LRRN4: variants seen among roughly 807,000 people sequenced by gnomAD.
The protein encoded by LRRN4 is leucine rich repeat neuronal 4, also known as leucine-rich repeat neuronal protein 4.
In LRRN4, 26 loss-of-function variants were observed where a neutral mutation model predicts 22.3. That is an observed-to-expected ratio of 1.16 (90% CI 0.85 to 1.62). The LOEUF is 1.62. LRRN4 is among the 40% of genes most tolerant of loss of function. The pLI is 0.00. For synonymous variants in LRRN4, 496 were observed against 486.2 expected, an observed-to-expected ratio of 1.02 and a Z score of -0.26; for missense variants, 1,070 against 1,008.5, an observed-to-expected ratio of 1.06 and a Z score of -0.83.
At chr20:6,047,423 C>A (rs201864665) in intron 3 of LRRN4, among the ~76,000 whole-genome samples, 1 of 89,994 alleles carries the variant, frequency 1.1e-5, no homozygotes, top group Non-Finnish European at 2.1e-5. Context: ...AGCAGACACA[C>A]ATACACACAC....
chr20:6,044,987 TTGTG>T (rs968472405), intron 3 of LRRN4, among the ~76,000 whole-genome samples: 1 of 152,044 alleles, frequency 6.6e-6, no homozygotes, highest in Non-Finnish European at 1.5e-5. Context: ...ATCAGTATTT[TTGTG>T]TGTGTGTGGA....
intron 3 of LRRN4, among the ~76,000 whole-genome samples, chr20:6,047,297 T>C (rs557562296): frequency 1.3e-5 from 2 of 152,182 alleles, no homozygotes; most frequent in Non-Finnish European, 2.9e-5. Flanking sequence ...GAATTGTTAA[T>C]AGAAATTGCA....
rs868740955 is a variant in LRRN4, at chr20:6,041,431, G to A, written c.1814C>T (p.Ser605Leu). The change falls in exon 5 of 5, where the codon TCG (serine) becomes TTG (leucine). Residue 605 changes from serine to leucine, a missense_variant. By Grantham distance (145) the Ser-to-Leu change is moderately radical. Transcript: ENST00000378858. The surrounding 1 kb of genome is among the most constrained non-coding windows in gnomAD (Gnocchi z 9.4). ...GCGGATCTGGTACCCATGCACTACCGAGTTGGGGGCACACCAGTGGACCAG... is the reference window on the plus strand; with the variant it reads ...GCGGATCTGGTACCCATGCACTACCAAGTTGGGGGCACACCAGTGGACCAG... The part of the protein sequence containing the change: ...SALVHWCAPN[S>L]VVHGYQIRYS... The A allele has an allele frequency of 6.4e-7, 1 of 1,555,142 alleles. No individual in the cohort carries two copies.
At chr20:6,051,942 A>C (rs1981255333) in intron 2 of LRRN4, among the ~76,000 whole-genome samples, 1 of 152,240 alleles carries the variant, frequency 6.6e-6, no homozygotes, top group South Asian at 2.1e-4. Context: ...CCTATCTCTT[A>C]GGATTCAAGA....
chr20:6,041,600 A>T lies in LRRN4; in HGVS notation c.1645T>A (p.Tyr549Asn), dbSNP rs145844426. Residue 549 changes from tyrosine to asparagine, a missense_variant, in exon 5 of 5, where the codon TAC becomes AAC. Tyr to Asn is a moderately radical substitution (Grantham distance 143). Transcript: ENST00000378858. The surrounding 1 kb of genome is among the most constrained non-coding windows in gnomAD (Gnocchi z 9.4). Reference sequence around the variant, plus strand: ...GTCTGCAGGTGCTTGCAGGGATGGTAATCACAGGGGACGTCCTGGTGAGGC... The same window carrying T: ...GTCTGCAGGTGCTTGCAGGGATGGTTATCACAGGGGACGTCCTGGTGAGGC... ...GTPHQDVPCD[Y>N]HPCKHLQTPC... The T allele has an allele frequency of 6.3e-3, 9,870 of 1,571,032 alleles. 49 individuals carry two copies. The highest frequency in any genetic ancestry group is 7.9e-3 in the Non-Finnish European group (9,149 of 1,156,134).
At chr20:6,052,953 GCCTAGTGTGCAGTGACCTCTCC>G in intron 1 of LRRN4, 149 bp from the exon 2 acceptor site, 1 of 844,786 alleles carries the variant, frequency 1.2e-6, no homozygotes, top group Non-Finnish European at 1.8e-6. Flanking sequence ...TCCCAGAGTC[GCCTAGTGTGCAGTGACCTCTCC>G]CCTGTCTGCT....
intron 3 of LRRN4, among the ~76,000 whole-genome samples, chr20:6,044,987 T>TTG (rs968472405): frequency 3.3e-5 from 5 of 152,044 alleles, no homozygotes; most frequent in Admixed American, 6.6e-5. Context: ...ATCAGTATTT[T>TTG]TGTGTGTGTG....
chr20:6,052,480 C>G lies in LRRN4; in HGVS notation c.320G>C (p.Arg107Pro). The part of the protein sequence containing the change: ...HLEQLQVLTL[R>P]HNRIAALRWG... ...GCGCAGCGCGGCGATGCGGTTGTGG[C>G]GCAGGGTCAGCACCTGCAGCTGCTC... Residue 107 changes from arginine (R) to proline (P), a missense_variant, in exon 2 of 5, where the codon CGC becomes CCC. Arg to Pro is a moderately radical substitution (Grantham distance 103, BLOSUM62 -2). Coordinates refer to ENST00000378858, the MANE Select transcript of LRRN4 (RefSeq NM_152611.5). The G allele has an allele frequency of 6.4e-7, 1 of 1,571,196 alleles. No individual in the cohort carries two copies. Among genetic ancestry groups the G allele is most frequent in the Non-Finnish European group, 8.6e-7 (1 of 1,167,480 alleles).
intron 3 of LRRN4, 97 bp downstream of exon 3, chr20:6,050,682 G>T: frequency 8.5e-7 from 1 of 1,179,872 alleles, no homozygotes; most frequent in South Asian, 1.3e-5. Context: ...AAGAGTAGTG[G>T]GAGAAAAATT....
intron 4 of LRRN4, 84 bp from the exon 5 acceptor site, chr20:6,042,330 A>C (rs1600403671): frequency 2.8e-6 from 4 of 1,449,030 alleles, no homozygotes; most frequent in East Asian, 2.5e-5. Flanking sequence ...TGCCGACGTC[A>C]CCCCCTGCCA....
chr20:6,044,693 C>CA lies in LRRN4; in HGVS notation c.861-14dup. ...ACTCAAGTTGCAGCTGAAATACAAA[C>CA]AAAAAAATTAATTAAGTCAGGTTTT... On this transcript the variant is annotated splice_polypyrimidine_tract_variant and intron_variant, in intron 3 of 4. Coordinates refer to ENST00000378858, the MANE Select transcript of LRRN4 (RefSeq NM_152611.5). 2 of 1,506,158 alleles carry CA rather than the reference C, an allele frequency of 1.3e-6. No individual in the cohort carries two copies. Among genetic ancestry groups the CA allele is most frequent in the South Asian group, 1.4e-5 (1 of 72,346 alleles). 93.3% of individuals were successfully genotyped at this position (1,506,158 alleles called of 1,614,324 possible). A position where few individuals can be genotyped will look rare whatever the true frequency, so the allele number is the denominator to read the frequency against.
Position 6,041,364 on chromosome 20 carries a change from C to G in LRRN4, c.1881G>C (p.Gly627=), listed in dbSNP as rs912042208. ...GCTGCCGGGCCGTGGCGTAGATGAC[C>G]CCCACCACCGACTGGTTCCCCGCCC... ...EGWAGNQSVV[G]VIYATARQHP... Residue 627 remains glycine (G), a synonymous_variant, in exon 5 of 5, where the codon GGG becomes GGC. Transcript: ENST00000378858. This position sits in a 1 kb window ranked among gnomAD's most constrained non-coding sequence, Gnocchi z 9.4. 1 of 1,592,778 alleles carries G rather than the reference C, an allele frequency of 6.3e-7. No individual in the cohort carries two copies. Among genetic ancestry groups the G allele is most frequent in the East Asian group, 2.2e-5 (1 of 44,642 alleles).
chr20:6,043,562 T>G (rs1442362598), intron 4 of LRRN4, among the ~76,000 whole-genome samples: 1 of 151,972 alleles, frequency 6.6e-6, no homozygotes, highest in African/African-American at 2.4e-5. Flanking sequence ...AATGTGGGGT[T>G]GGGGGGCAGA....
At chr20:6,048,924 A>G (rs1600407296) in intron 3 of LRRN4, among the ~76,000 whole-genome samples, 2 of 152,250 alleles carry the variant, frequency 1.3e-5, no homozygotes, top group South Asian at 4.1e-4. Flanking sequence ...GACATTAAGA[A>G]GGCCTAGCCA....
At chr20:6,047,789 C>CAA (rs11333545) in intron 3 of LRRN4, among the ~76,000 whole-genome samples, 4 of 139,604 alleles carry the variant, frequency 2.9e-5, no homozygotes, top group African/African-American at 1.1e-4. Context: ...GACTCCATCT[C>CAA]AAAAAAAAAA....
rs763288561 is a variant in LRRN4 at position 6,041,075 on chromosome 20, A to G, written c.2170T>C (p.Tyr724His). 3 of 1,613,884 alleles carry G rather than the reference A, an allele frequency of 1.9e-6. No homozygotes were observed. The highest frequency in any genetic ancestry group is 3.3e-5 in the Admixed American group (2 of 60,012). ...LQRCDTHLVA[Y>H]KNPAFDDYPL... ...TAATCATCAAAGGCCGGGTTTTTGTAGGCCACCAGGTGCGTGTCGCAGCGC... is the reference window on the plus strand; with the variant it reads ...TAATCATCAAAGGCCGGGTTTTTGTGGGCCACCAGGTGCGTGTCGCAGCGC... The change falls in exon 5 of 5, where the codon TAC becomes CAC. Residue 724 changes from tyrosine to histidine, a missense_variant. Coordinates refer to ENST00000378858, the MANE Select transcript of LRRN4 (RefSeq NM_152611.5). The surrounding 1 kb of genome is among the most constrained non-coding windows in gnomAD (Gnocchi z 9.4).
In LRRN4 at chr20:6,041,982, C is replaced by T. The variant is rs1275404332; in HGVS notation, c.1263G>A (p.Pro421=). 2.5e-6 allele frequency: 4 copies of T among 1,613,938 alleles called. No homozygotes were observed. The highest frequency in any genetic ancestry group is 1.3e-5 in the African/African-American group (1 of 74,902). The change falls in exon 5 of 5, where the codon CCG becomes CCA. Residue 421 remains proline (P), a synonymous_variant. Coordinates refer to ENST00000378858, the MANE Select transcript of LRRN4 (RefSeq NM_152611.5). The surrounding 1 kb of genome is among the most constrained non-coding windows in gnomAD (Gnocchi z 9.4). ...CAGTCCCCTCCCGTGCATCGCTGTG[C>T]GGCCATGCAGCTATCGTGCGAGAGC... ...NVGSRTIAAW[P]HSDAREGTAP... is the part of the protein sequence containing the mutation.
At chr20:6,046,323 A>AAT (rs578039490) in intron 3 of LRRN4, among the ~76,000 whole-genome samples, 14 of 148,122 alleles carry the variant, frequency 9.5e-5, no homozygotes, top group African/African-American at 2.2e-4. Context: ...GAAATTTAAA[A>AAT]ATATATATAT....
chr20:6,050,632 C>T (rs1373167286), intron 3 of LRRN4, 147 bp downstream of exon 3: 9 of 833,230 alleles, frequency 1.1e-5, no homozygotes, highest in Non-Finnish European at 1.8e-5. Flanking sequence ...AAGATATCAC[C>T]CAAAGGGTGG....
Sources: allele counts gnomAD v4.1 joint callset (sites outside exome capture counted in the v4.1 genomes callset), GRCh38; gene constraint gnomAD v4.1.1; non-coding constraint Gnocchi (gnomAD v3.1); transcripts MANE v1.5; gene names NCBI Gene and HGNC (gene_info 2026-07-23, HGNC 2026-07-21).